ABCB7: variants seen among roughly 807,000 people sequenced by gnomAD.
The protein encoded by ABCB7 is ATP binding cassette subfamily B member 7, also known as iron-sulfur clusters transporter ABCB7, mitochondrial.
ABCB7 carries 7 observed loss-of-function variants against 54.4 expected under a neutral mutation model. That is an observed-to-expected ratio of 0.13 (90% CI 0.07 to 0.24). ABCB7 has a LOEUF of 0.24. Ranked by LOEUF, ABCB7 falls within the 10% of genes least tolerant of loss-of-function variation. The pLI is 1.00. For missense variants in ABCB7, 356 were observed against 570.4 expected (o/e 0.62, Z 3.83); for synonymous variants, 218 against 207.1 (o/e 1.05, Z -0.45).
chrX:75,070,628 A>G (rs1170443502), intron 9 of ABCB7, 106 bp from the exon 10 acceptor site: 3 of 786,537 alleles, frequency 3.8e-6, no homozygotes, highest in South Asian at 4.5e-5. Flanking sequence ...ATTCTTAATC[A>G]GCAACAACTC....
At chrX:75,078,516 T>C (rs778207180) in intron 4 of ABCB7, among the ~76,000 whole-genome samples, 1 of 111,671 alleles carries the variant, frequency 9.0e-6, no homozygotes, top group Non-Finnish European at 1.9e-5. Flanking sequence ...ACCCAAATAA[T>C]GTACAAACCT....
rs760045605 is a variant in ABCB7 at position 75,112,955 on chromosome X, T to C, written c.264A>G (p.Pro88=). 35 of 1,205,883 alleles carry C rather than the reference T, an allele frequency of 2.9e-5. No individual in the cohort carries two copies. Among genetic ancestry groups the C allele is most frequent in the Non-Finnish European group, 3.8e-5 (34 of 892,104 alleles). Residue 88 remains proline, a synonymous_variant, in exon 3 of 16, where the codon CCA becomes CCG. Transcript: ENST00000373394. ...LDAAKALQVW[P]LIEKRTCWHG... is the part of the protein sequence containing the mutation. ...GCCAACATGTCCTCTTTTCTATCAG[T>C]GGCCATACCTGGAGAGCCTAATTGA...
Position 75,055,581 on chromosome X carries a change from A to C in ABCB7, c.2044-1996T>G, listed in dbSNP as rs766821189. Among the ~76,000 whole-genome samples, 20 of 94,326 alleles carry C rather than the reference A, an allele frequency of 2.1e-4. No individual in the cohort carries two copies. In the South Asian group the frequency reaches 4.1e-3, roughly 19 times the overall value. 81.9% of individuals were successfully genotyped at this position (94,326 alleles called of 115,157 possible). ...AAAAAAAAAAAAAAAAAAAAAAAAC[A>C]ACCAAAAAACACACACAAAAAACTG... On this transcript the variant is annotated intron_variant, in intron 15 of 15. Transcript: ENST00000373394.
At chrX:75,134,926 C>G (rs952351557) in intron 1 of ABCB7, among the ~76,000 whole-genome samples, 11 of 110,834 alleles carry the variant, frequency 9.9e-5, no homozygotes, top group Non-Finnish European at 1.5e-4. Flanking sequence ...ACCAGAAAAA[C>G]AAGAGCAAAC....
intron 1 of ABCB7, among the ~76,000 whole-genome samples, chrX:75,132,371 A>G (rs1473130172): frequency 8.8e-6 from 1 of 113,139 alleles, no homozygotes; most frequent in African/African-American, 3.2e-5. Context: ...GCCACTCCAC[A>G]TTAGGCTGAT....
chrX:75,114,928 C>T (rs1482698611), intron 1 of ABCB7, 97 bp from the exon 2 acceptor site: 16 of 729,105 alleles, frequency 2.2e-5, no homozygotes. Context: ...AAAATTAAAA[C>T]CATAGCCATA....
In ABCB7 at chrX:75,051,113, T is replaced by A. The variant is rs1032442789; in HGVS notation, c.*2257A>T. Among the ~76,000 whole-genome samples, 1 of 106,406 alleles carries A rather than the reference T, an allele frequency of 9.4e-6. No homozygotes were observed. Among genetic ancestry groups the A allele is most frequent in the Admixed American group, 1.0e-4 (1 of 9,934 alleles). 92.4% of individuals were successfully genotyped at this position (106,406 alleles called of 115,157 possible). A position where few individuals can be genotyped will look rare whatever the true frequency, so the allele number is the denominator to read the frequency against. ...ACCCCCAGAAGAGCAGTAACAACTATGGTTTCAGAGTAAGAAATGTTGAAA... is the reference window on the plus strand; with the variant it reads ...ACCCCCAGAAGAGCAGTAACAACTAAGGTTTCAGAGTAAGAAATGTTGAAA... On this transcript the variant is annotated 3_prime_UTR_variant, in exon 16 of 16. Coordinates refer to ENST00000373394, the MANE Select transcript of ABCB7 (RefSeq NM_001271696.3).
In ABCB7 at chrX:75,075,570, T is replaced by C. The variant is rs760564741; in HGVS notation, c.647A>G (p.Lys216Arg). ...TCTTCGGATTGAATTCTGGGCTACC[T>C]TGCCAAATACTGCATTTCGAACTTC... ...FNEVRNAVFG[K>R]VAQNSIRRIA... is the part of the protein sequence containing the mutation. The change falls in exon 6 of 16, where the codon AAG becomes AGG. Residue 216 changes from lysine (K) to arginine (R), a missense_variant. By Grantham distance (26) the Lys-to-Arg change is conservative. Transcript: ENST00000373394. The C allele has an allele frequency of 2.6e-5, 32 of 1,208,806 alleles. No homozygotes were observed. The highest frequency in any genetic ancestry group is 2.3e-4 in the Middle Eastern group (1 of 4,372).
chrX:75,089,436 T>A (rs1391597150), intron 4 of ABCB7, among the ~76,000 whole-genome samples: 1 of 111,134 alleles, frequency 9.0e-6, no homozygotes, highest in Non-Finnish European at 1.9e-5. Flanking sequence ...TTGGGAGTAC[T>A]GTTATGTGTA....
intron 10 of ABCB7, among the ~76,000 whole-genome samples, chrX:75,070,015 C>T (rs2081351500): frequency 9.0e-6 from 1 of 110,753 alleles, no homozygotes; most frequent in African/African-American, 3.3e-5. Context: ...GCTGGGATTA[C>T]AGGCATGTGC....
intron 1 of ABCB7, among the ~76,000 whole-genome samples, chrX:75,132,507 A>G (rs764933871): frequency 8.9e-6 from 1 of 112,569 alleles, no homozygotes; most frequent in East Asian, 2.8e-4. Flanking sequence ...AGGGAACAAA[A>G]AGCCTGAGCT....
intron 3 of ABCB7, among the ~76,000 whole-genome samples, chrX:75,106,421 A>G (rs1256427289): frequency 1.8e-5 from 2 of 112,311 alleles, no homozygotes; most frequent in African/African-American, 6.5e-5. Context: ...TCCATCTTAC[A>G]CCAGTCAGAA....
chrX:75,130,386 A>C (rs1007687629), intron 1 of ABCB7, among the ~76,000 whole-genome samples: 4 of 112,184 alleles, frequency 3.6e-5, no homozygotes, highest in Non-Finnish European at 7.5e-5. Flanking sequence ...AACAACAACC[A>C]GGGGAGTGTA....
At chrX:75,059,860 G>A (rs2081269069) in intron 15 of ABCB7, among the ~76,000 whole-genome samples, 1 of 111,638 alleles carries the variant, frequency 9.0e-6, no homozygotes, top group Non-Finnish European at 1.9e-5. Context: ...GTATGTGCAG[G>A]TATTAGAAAA....
chrX:75,114,839 C>A lies in ABCB7; in HGVS notation c.169-8G>T. 8.4e-7 allele frequency: 1 copy of A among 1,188,820 alleles called. No homozygotes were observed. Among genetic ancestry groups the A allele is most frequent in the South Asian group, 1.8e-5 (1 of 56,181 alleles). ...TTTTAATGACTCTGGAATCTGCTGA[C>A]AAGGAAAAAAAGTAGGGGGAAGTTT... On this transcript the variant is annotated splice_polypyrimidine_tract_variant and splice_region_variant and intron_variant, in intron 1 of 15. Coordinates refer to ENST00000373394, the MANE Select transcript of ABCB7 (RefSeq NM_001271696.3).
At chrX:75,152,534 A>T (rs954198245) in intron 1 of ABCB7, among the ~76,000 whole-genome samples, 2 of 112,555 alleles carry the variant, frequency 1.8e-5, no homozygotes, top group Admixed American at 1.9e-4. Flanking sequence ...TAGTCTAAGA[A>T]ATTATTTCTC....
At chrX:75,150,426 A>G (rs1450522006) in intron 1 of ABCB7, among the ~76,000 whole-genome samples, 2 of 111,683 alleles carry the variant, frequency 1.8e-5, no homozygotes, top group Non-Finnish European at 3.8e-5. Context: ...ATATATACCT[A>G]TTAACATTAC....
chrX:75,068,590 T>C (rs746058748), intron 12 of ABCB7, among the ~76,000 whole-genome samples: 2 of 112,373 alleles, frequency 1.8e-5, no homozygotes, highest in African/African-American at 3.2e-5. Context: ...CAAATTACAA[T>C]AGTAGTTTCC....
rs1432051619 is a variant in ABCB7 at position 75,142,248 on chromosome X, T to G, written c.168+13857A>C. 2.7e-5 allele frequency among the ~76,000 whole-genome samples: 3 copies of G among 111,927 alleles called. No homozygotes were observed. The Admixed American group carries it at 2.8e-4, about 11-fold the overall frequency. On this transcript the variant is annotated intron_variant, in intron 1 of 15. Transcript: ENST00000373394. ...TGTATAACTTATGCACATCCTCCTG[T>G]ATACCTTAAATCATCTCTATATTAC...
Sources: allele counts gnomAD v4.1 joint callset (sites outside exome capture counted in the v4.1 genomes callset), GRCh38; gene constraint gnomAD v4.1.1; transcripts MANE v1.5; gene names NCBI Gene and HGNC (gene_info 2026-07-23, HGNC 2026-07-21).